Variants in TACC2 observed in about 807,000 individuals in gnomAD.
The protein encoded by TACC2 is transforming acidic coiled-coil-containing protein 2.
Under a neutral mutation model 227.3 loss-of-function variants are expected in TACC2, and 137 were observed. That is an observed-to-expected ratio of 0.60 (90% CI 0.52 to 0.69). The LOEUF (loss-of-function observed/expected upper bound fraction) is 0.69, where lower values mean the gene tolerates loss of function less well. TACC2 is among the 30% of genes least tolerant of loss of function. The probability of loss-of-function intolerance (pLI) is 0.00; values close to 1 mark genes in which losing one functional copy is unlikely to be tolerated. For synonymous variants in TACC2, 1,523 were observed against 1,487.5 expected, an observed-to-expected ratio of 1.02 and a Z score of -0.55; for missense variants, 3,470 against 3,694.4, an observed-to-expected ratio of 0.94 and a Z score of 1.57.
intron 5 of TACC2, 138 bp from the exon 6 acceptor site, chr10:122,132,471 C>A: frequency 9.8e-7 from 1 of 1,022,564 alleles, no homozygotes; most frequent in Non-Finnish European, 1.5e-6. Context: ...ATTGCCTGTA[C>A]CCTGGAGACA....
chr10:122,087,981 C>T, intron 4 of TACC2, 22 bp downstream of exon 4: 1 of 1,493,396 alleles, frequency 6.7e-7, no homozygotes, highest in Non-Finnish European at 8.9e-7. Context: ...AAAAAATTCC[C>T]ACGGGAATGT....
At chr10:122,144,026 G>T (rs952986920) in intron 7 of TACC2, among the ~76,000 whole-genome samples, 1 of 152,214 alleles carries the variant, frequency 6.6e-6, no homozygotes, top group Non-Finnish European at 1.5e-5. Flanking sequence ...TATATGCAGA[G>T]AGAGGGATTT....
rs367832917 is a variant in TACC2, at chr10:122,132,761, A to T, written c.5699+27A>T. The T allele has an allele frequency of 1.1e-5, 17 of 1,612,900 alleles. No homozygotes were observed. The African/African-American group carries it at 1.6e-4, about 15-fold the overall frequency. On this transcript the variant is annotated intron_variant, in intron 6 of 22. Transcript: ENST00000369005. The stretch of plus-strand genomic sequence containing the variant: ...TACGGTGGGGGCCCTGGAGCTGGTG[A>T]TGAGACCTCAGGGCCCAATCCTTGA...
At chr10:122,051,193 A>C (rs1184949143) in intron 3 of TACC2, 1 of 152,430 alleles carries the variant, frequency 6.6e-6, no homozygotes, top group Admixed American at 6.5e-5. Flanking sequence ...CTGGGATTAC[A>C]GGAGCCCGCC....
At chr10:122,008,717 C>A (rs1369965607) in intron 1 of TACC2, among the ~76,000 whole-genome samples, 1 of 152,034 alleles carries the variant, frequency 6.6e-6, no homozygotes, top group Non-Finnish European at 1.5e-5. Flanking sequence ...GGATTACAGG[C>A]GCCAGCCACC....
At position 122,067,041 on chromosome 10, in the gene TACC2, G is replaced by A. The variant is rs2077463462; in HGVS notation, c.147-15606G>A. ...ACACATCCCATAATACATATTATTTGTGCTTTAATCAGCCAATTATCTTTT... is the reference window on the plus strand; with the variant it reads ...ACACATCCCATAATACATATTATTTATGCTTTAATCAGCCAATTATCTTTT... On this transcript the variant is annotated intron_variant, in intron 3 of 22. Coordinates refer to ENST00000369005, the MANE Select transcript of TACC2 (RefSeq NM_206862.4). 2.6e-5 allele frequency among the ~76,000 whole-genome samples: 4 copies of A among 152,090 alleles called. No homozygotes were observed. In the South Asian group the frequency reaches 8.3e-4, roughly 32 times the overall value.
intron 7 of TACC2, among the ~76,000 whole-genome samples, chr10:122,183,866 C>T (rs905532387): frequency 1.4e-4 from 21 of 152,150 alleles, no homozygotes; most frequent in South Asian, 4.1e-4. Context: ...GATGCTGAAC[C>T]GCTTGGCTCC....
chr10:122,096,084 G>A (rs939506600), intron 5 of TACC2, among the ~76,000 whole-genome samples: 5 of 152,140 alleles, frequency 3.3e-5, no homozygotes, highest in African/African-American at 9.7e-5. Context: ...AGTATTAGGC[G>A]CCCCTTCCTC....
At chr10:122,101,123 G>C (rs2082090400) in intron 5 of TACC2, among the ~76,000 whole-genome samples, 2 of 152,174 alleles carry the variant, frequency 1.3e-5, no homozygotes, top group Admixed American at 1.3e-4. Context: ...AAGAGATTGG[G>C]TGTTTTGAGC....
At chr10:122,072,351 C>G (rs1173705344) in intron 3 of TACC2, among the ~76,000 whole-genome samples, 1 of 152,126 alleles carries the variant, frequency 6.6e-6, no homozygotes, top group Non-Finnish European at 1.5e-5. Flanking sequence ...TGTTTGTTTT[C>G]TATTGAAGAA....
intron 22 of TACC2, among the ~76,000 whole-genome samples, chr10:122,251,430 A>G (rs193259196): frequency 6.6e-6 from 1 of 152,256 alleles, no homozygotes; most frequent in East Asian, 1.9e-4. Context: ...GTATTTATTG[A>G]GCATCATTAT....
chr10:122,054,212 T>A (rs1219087607), intron 3 of TACC2, among the ~76,000 whole-genome samples: 1 of 152,248 alleles, frequency 6.6e-6, no homozygotes, highest in Non-Finnish European at 1.5e-5. Context: ...CTTTTCTGGT[T>A]GCCACGTGGT....
Position 122,086,312 on chromosome 10 carries a change from T to C in TACC2, c.3812T>C (p.Val1271Ala). 6.2e-7 allele frequency: 1 copy of C among 1,613,824 alleles called. No homozygotes were observed. Among genetic ancestry groups the C allele is most frequent in the Non-Finnish European group, 8.5e-7 (1 of 1,180,018 alleles). ...PRAPGESPCP[V>A]GEPPLALENA... ...GCTCCTGGCGAAAGCCCCTGTCCTG[T>C]AGGGGAGCCCCCACTTGCCTTGGAA... Residue 1271 changes from valine to alanine, a missense_variant, in exon 4 of 23, where the codon GTA becomes GCA. By Grantham distance (64) the Val-to-Ala change is moderately conservative (BLOSUM62 0). Coordinates refer to ENST00000369005, the MANE Select transcript of TACC2 (RefSeq NM_206862.4).
At chr10:122,223,566 G>A (rs946771510) in intron 11 of TACC2, among the ~76,000 whole-genome samples, 1 of 152,150 alleles carries the variant, frequency 6.6e-6, no homozygotes, top group Admixed American at 6.5e-5. Flanking sequence ...CCTCACCAAG[G>A]GAGATTTAGA....
chr10:122,139,481 C>A (rs1278292747), intron 6 of TACC2, among the ~76,000 whole-genome samples: 2 of 152,204 alleles, frequency 1.3e-5, no homozygotes, highest in East Asian at 3.9e-4. Context: ...TCAGTGGCTG[C>A]CTCTGAGAGA....
rs978313658 is a variant in TACC2, at chr10:122,197,897, G to A, written c.5971+2721G>A. Among the ~76,000 whole-genome samples, 3 of 152,258 alleles carry A rather than the reference G, an allele frequency of 2.0e-5. No individual in the cohort carries two copies. In the East Asian group the frequency reaches 5.8e-4, roughly 29 times the overall value. On this transcript the variant is annotated intron_variant, in intron 8 of 22. Coordinates refer to ENST00000369005, the MANE Select transcript of TACC2 (RefSeq NM_206862.4). The stretch of plus-strand genomic sequence containing the variant: ...GACCAGCATGGGGCATTACGAAGGC[G>A]TGGGAAGGCAGCTGTGCTTGCTAGT...
intron 7 of TACC2, among the ~76,000 whole-genome samples, chr10:122,178,383 C>CA (rs2140226301): frequency 6.6e-6 from 1 of 151,922 alleles, no homozygotes; most frequent in Non-Finnish European, 1.5e-5. Flanking sequence ...ATCACAGGCA[C>CA]ACACCACCAC....
rs375205936 is a variant in TACC2, at chr10:122,070,524, C to T, written c.147-12123C>T. Among the ~76,000 whole-genome samples the T allele has an allele frequency of 3.8e-3, 578 of 152,068 alleles. 4 individuals carry two copies. The highest frequency in any genetic ancestry group is 0.013 in the African/African-American group (536 of 41,478). ...AATCCCAGCATTTTGGAGGCTAAGG[C>T]GGGCGGATCACCTGAGGTCGGGAGT... On this transcript the variant is annotated intron_variant, in intron 3 of 22. Transcript: ENST00000369005.
chr10:122,074,887 G>C (rs2078593004), intron 3 of TACC2, among the ~76,000 whole-genome samples: 1 of 151,990 alleles, frequency 6.6e-6, no homozygotes, highest in African/African-American at 2.4e-5. Flanking sequence ...TCCTTTCTTT[G>C]GGCACGGTCT....
Sources: gnomAD v4.1 joint callset for allele counts (sites outside exome capture counted in the v4.1 genomes callset) on GRCh38, gnomAD v4.1.1 for gene constraint, MANE v1.5 for transcripts, NCBI Gene and HGNC (gene_info 2026-07-23, HGNC 2026-07-21) for gene names.